The following SYT1 variants were observed in gnomAD, a reference collection of about 807,000 sequenced individuals.
SYT1 encodes synaptotagmin 1.
Under a neutral mutation model 44.8 loss-of-function variants are expected in SYT1, and 8 were observed. The ratio of observed to expected loss-of-function variants is 0.18; its 90% CI spans 0.10 to 0.32. The LOEUF (loss-of-function observed/expected upper bound fraction) is 0.32. SYT1 is among the 10% of genes least tolerant of loss of function. SYT1 has a pLI of 1.00. For missense variants in SYT1, 286 were observed against 509.3 expected (o/e 0.56, Z 4.22); for synonymous variants, 154 against 188.8 (o/e 0.82, Z 1.51).
intron 4 of SYT1, among the ~76,000 whole-genome samples, chr12:79,223,600 C>T (rs966521528): frequency 6.6e-6 from 1 of 152,178 alleles, no homozygotes; most frequent in Non-Finnish European, 1.5e-5. Flanking sequence ...AGGTCCACAA[C>T]AGCAAGCACA....
At chr12:79,232,901 C>T (rs1470425588) in intron 4 of SYT1, among the ~76,000 whole-genome samples, 1 of 152,146 alleles carries the variant, frequency 6.6e-6, no homozygotes, top group Admixed American at 6.5e-5. Context: ...TGAAGCTGAA[C>T]CGAAGGTAGG....
intron 2 of SYT1, among the ~76,000 whole-genome samples, chr12:78,993,608 T>A (rs542182738): frequency 1.3e-5 from 2 of 152,218 alleles, no homozygotes; most frequent in Non-Finnish European, 2.9e-5. Flanking sequence ...TAAAACACAC[T>A]CTGCATTTAT....
At chr12:78,934,902 T>C (rs146043907) in intron 1 of SYT1, among the ~76,000 whole-genome samples, 1 of 152,288 alleles carries the variant, frequency 6.6e-6, no homozygotes, top group African/African-American at 2.4e-5. Flanking sequence ...CAGATCGTGC[T>C]TTCTGCCCTT....
intron 3 of SYT1, among the ~76,000 whole-genome samples, chr12:79,160,844 A>T (rs1870904687): frequency 6.6e-6 from 1 of 152,172 alleles, no homozygotes; most frequent in African/African-American, 2.4e-5. Flanking sequence ...TTTCAAGCAT[A>T]GAACCTTAGA....
intron 1 of SYT1, among the ~76,000 whole-genome samples, chr12:78,907,984 G>A (rs1876093396): frequency 6.6e-6 from 1 of 152,000 alleles, no homozygotes; most frequent in African/African-American, 2.4e-5. Flanking sequence ...TGAAGTATCT[G>A]AAATTGATCA....
chr12:78,876,882 TATATATA>T (rs1874184407), intron 1 of SYT1, among the ~76,000 whole-genome samples: 1 of 72,822 alleles, frequency 1.4e-5, no homozygotes. Context: ...TTATATGTAT[TATATATA>T]ATATATATTA....
rs1356910377 is a variant in SYT1 at position 79,353,504 on chromosome 12, A to G, written c.813A>G (p.Gln271=). The G allele has an allele frequency of 1.2e-6, 2 of 1,611,312 alleles. No individual in the cohort carries two copies. Among genetic ancestry groups the G allele is most frequent in the East Asian group, 2.2e-5 (1 of 44,870 alleles). Residue 271 remains glutamine (Q), a splice_region_variant and synonymous_variant, in exon 9 of 11, where the codon CAA becomes CAG. Coordinates refer to ENST00000261205, the MANE Select transcript of SYT1 (RefSeq NM_005639.3). ...RDLQSAEKEE[Q]EKLGDICFSL... ...TACTTTCTTATTGGTTTTCTTAGCA[A>G]GAGAAATTGGGTGATATCTGCTTCT...
intron 4 of SYT1, among the ~76,000 whole-genome samples, chr12:79,246,233 T>C (rs1876843509): frequency 6.6e-6 from 1 of 152,160 alleles, no homozygotes; most frequent in Non-Finnish European, 1.5e-5. Flanking sequence ...ATAAAAGATA[T>C]TGTTCTCTTT....
chr12:79,233,033 T>A (rs1242077916), intron 4 of SYT1, among the ~76,000 whole-genome samples: 2 of 152,208 alleles, frequency 1.3e-5, no homozygotes, highest in East Asian at 3.9e-4. Context: ...AACATTATCA[T>A]CTTCTGTTCC....
intron 9 of SYT1, among the ~76,000 whole-genome samples, chr12:79,386,871 C>T (rs967797416): frequency 8.5e-5 from 13 of 152,138 alleles, no homozygotes; most frequent in South Asian, 2.1e-4. Flanking sequence ...CACTTCTCTA[C>T]GGGTGTGCAC....
At chr12:79,352,186 A>ACC (rs34574402) in intron 8 of SYT1, among the ~76,000 whole-genome samples, 1,857 of 123,664 alleles carry the variant, frequency 0.015, 9 homozygotes, top group Middle Eastern at 0.029. Context: ...TAATGAATAC[A>ACC]CCCCCCCCCC....
intron 1 of SYT1, among the ~76,000 whole-genome samples, chr12:78,890,062 C>T (rs1874964561): frequency 6.6e-6 from 1 of 151,904 alleles, no homozygotes; most frequent in Admixed American, 6.6e-5. Context: ...AATTTTATGG[C>T]TAAAGAGAGC....
At chr12:78,917,138 T>C (rs571613717) in intron 1 of SYT1, among the ~76,000 whole-genome samples, 1 of 152,168 alleles carries the variant, frequency 6.6e-6, no homozygotes, top group Non-Finnish European at 1.5e-5. Context: ...AGTTCTTTCC[T>C]ATATTGAGTT....
chr12:79,320,972 A>G (rs1881333884), intron 8 of SYT1, among the ~76,000 whole-genome samples: 1 of 151,840 alleles, frequency 6.6e-6, no homozygotes, highest in Non-Finnish European at 1.5e-5. Flanking sequence ...CAAACCCCCA[A>G]ACCCAACCCA....
intron 3 of SYT1, among the ~76,000 whole-genome samples, chr12:79,055,007 T>C (rs1225958466): frequency 6.6e-6 from 1 of 151,964 alleles, no homozygotes; most frequent in African/African-American, 2.4e-5. Context: ...TATAATCTTA[T>C]TATAGCATAG....
rs1514925 is a variant in SYT1 at position 78,987,888 on chromosome 12, A to G, written c.-84+9957A>G. Among the ~76,000 whole-genome samples the G allele has an allele frequency of 3.8e-3, 576 of 152,240 alleles. 16 individuals carry two copies. Among genetic ancestry groups the G allele is most frequent in the Admixed American group, 0.033 (498 of 15,250 alleles). ...GACAAAGGTAATACAAGAAAAGAAT[A>G]CTATAGACCAGTATCTCTCATGAAT... is the stretch of plus-strand genomic sequence containing the variant. On this transcript the variant is annotated intron_variant, in intron 2 of 10. Transcript: ENST00000261205.
chr12:79,053,375 G>T (rs1874674126), intron 3 of SYT1, among the ~76,000 whole-genome samples: 1 of 152,054 alleles, frequency 6.6e-6, no homozygotes, highest in African/African-American at 2.4e-5. Flanking sequence ...GGGGAGCAGG[G>T]AGGGATAGCG....
At chr12:79,249,423 T>C (rs1444609110) in intron 4 of SYT1, among the ~76,000 whole-genome samples, 1 of 152,110 alleles carries the variant, frequency 6.6e-6, no homozygotes, top group Non-Finnish European at 1.5e-5. Flanking sequence ...TCTTTCTATA[T>C]CTTCCATCTG....
At chr12:79,014,060 G>A (rs1424600582) in intron 2 of SYT1, among the ~76,000 whole-genome samples, 11 of 147,942 alleles carry the variant, frequency 7.4e-5, no homozygotes, top group Admixed American at 6.8e-4. Flanking sequence ...AGGAGGCAAG[G>A]GTTGCAGTGA....
Sources: allele counts gnomAD v4.1 joint callset (sites outside exome capture counted in the v4.1 genomes callset), GRCh38; gene constraint gnomAD v4.1.1; transcripts MANE v1.5; gene names NCBI Gene and HGNC (gene_info 2026-07-23, HGNC 2026-07-21).